The following HHIP variants were observed in gnomAD, a reference collection of about 807,000 sequenced individuals.
The protein encoded by HHIP is hedgehog-interacting protein.
HHIP carries 12 observed loss-of-function variants against 74.0 expected under a neutral mutation model. The ratio of observed to expected loss-of-function variants is 0.16; its 90% confidence interval spans 0.10 to 0.26. The LOEUF (loss-of-function observed/expected upper bound fraction) is 0.26, where lower values mean the gene tolerates loss of function less well. Among genes scored for constraint, HHIP ranks in the 10% least tolerant of loss-of-function variants. HHIP has a pLI of 1.00. For synonymous variants in HHIP, 309 were observed against 311.6 expected (o/e 0.99, Z 0.09); for missense variants, 788 against 845.0 (o/e 0.93, Z 0.84).
intron 4 of HHIP, among the ~76,000 whole-genome samples, chr4:144,699,606 A>G (rs1729921025): frequency 6.6e-6 from 1 of 152,142 alleles, no homozygotes; most frequent in African/African-American, 2.4e-5. Flanking sequence ...AAGTTATCTA[A>G]AAGCCCACCA....
chr4:144,667,468 C>T (rs1436549946), intron 4 of HHIP, among the ~76,000 whole-genome samples: 2 of 152,266 alleles, frequency 1.3e-5, no homozygotes, highest in Non-Finnish European at 2.9e-5. Context: ...AAGTTATTGA[C>T]GCATGTGGAC....
At chr4:144,704,446 G>T (rs1730073764) in intron 4 of HHIP, among the ~76,000 whole-genome samples, 1 of 152,176 alleles carries the variant, frequency 6.6e-6, no homozygotes, top group African/African-American at 2.4e-5. Flanking sequence ...TCATTTATGT[G>T]ATAGATGGTA....
chr4:144,732,471 T>A, intron 11 of HHIP, among the ~76,000 whole-genome samples: 1 of 152,182 alleles, frequency 6.6e-6, no homozygotes, highest in East Asian at 1.9e-4. Flanking sequence ...TATGTTTGAA[T>A]GTTTGGTGAA....
In HHIP at chr4:144,734,844, A is replaced by G; in HGVS notation, c.1864A>G (p.Lys622Glu). The change falls in exon 12 of 13, where the codon AAG (lysine) becomes GAG (glutamate). Residue 622 changes from lysine (K) to glutamate (E), a missense_variant. Lys to Glu is a moderately conservative substitution (Grantham distance 56). Transcript: ENST00000296575. ...CRNGYCTPTG[K>E]CCCSPGWEGD... ...AAACGGCTACTGCACCCCCACGGGA[A>G]AGTGCTGCTGCAGTCCAGGCTGGGA... 1.9e-6 allele frequency: 3 copies of G among 1,613,124 alleles called. No homozygotes were observed. The highest frequency in any genetic ancestry group is 2.5e-6 in the Non-Finnish European group (3 of 1,179,240).
At position 144,744,123 on chromosome 4, in the gene HHIP, T is replaced by C. The variant is rs1578738856; in HGVS notation, c.*6166T>C. ...CACCAAGAACCATGTAGTAATAAGA[T>C]AAATGGTAACTGAGGTACTATGGAA... is the stretch of plus-strand genomic sequence containing the variant. On this transcript the variant is annotated 3_prime_UTR_variant, in exon 13 of 13. Coordinates refer to ENST00000296575, the MANE Select transcript of HHIP (RefSeq NM_022475.3). The C allele has an allele frequency of 6.6e-6, 1 of 152,120 alleles. No homozygotes were observed. Among genetic ancestry groups the C allele is most frequent in the Admixed American group, 6.6e-5 (1 of 15,266 alleles). The allele number at this position is 152,120 out of a possible 1,614,324, so 9.4% of individuals were successfully genotyped here. A position where few individuals can be genotyped will look rare whatever the true frequency, so the allele number is the denominator to read the frequency against.
chr4:144,719,399 C>A (rs1487276259), intron 11 of HHIP, among the ~76,000 whole-genome samples: 2 of 152,132 alleles, frequency 1.3e-5, no homozygotes, highest in African/African-American at 2.4e-5. Flanking sequence ...AACATCTGAG[C>A]CTCATTTGGA....
At chr4:144,704,157 A>G (rs1298560786) in intron 4 of HHIP, among the ~76,000 whole-genome samples, 1 of 152,206 alleles carries the variant, frequency 6.6e-6, no homozygotes, top group Non-Finnish European at 1.5e-5. Context: ...GGATATTTAT[A>G]TAATACATTA....
chr4:144,697,876 G>T (rs573190551), intron 4 of HHIP, among the ~76,000 whole-genome samples: 1 of 151,950 alleles, frequency 6.6e-6, no homozygotes, highest in African/African-American at 2.4e-5. Flanking sequence ...CTTCCAATAC[G>T]TCCAATATCC....
intron 10 of HHIP, among the ~76,000 whole-genome samples, chr4:144,715,852 C>T (rs1463191344): frequency 1.3e-5 from 2 of 152,124 alleles, no homozygotes; most frequent in Admixed American, 6.6e-5. Context: ...TTGCCTTACC[C>T]GCTATTTCTT....
At chr4:144,666,675 G>C (rs908317769) in intron 4 of HHIP, among the ~76,000 whole-genome samples, 5 of 152,166 alleles carry the variant, frequency 3.3e-5, no homozygotes, top group African/African-American at 1.2e-4. Flanking sequence ...CTGCATGAGA[G>C]GAGAGACTGC....
chr4:144,661,958 T>C (rs1355966869), intron 4 of HHIP, among the ~76,000 whole-genome samples: 2 of 152,196 alleles, frequency 1.3e-5, no homozygotes, highest in Admixed American at 6.5e-5. Flanking sequence ...AATCACAGAA[T>C]TGGTAATACA....
At chr4:144,719,049 A>G in intron 11 of HHIP, 93 bp downstream of exon 11, 1 of 810,844 alleles carries the variant, frequency 1.2e-6, no homozygotes, top group Non-Finnish European at 2.1e-6. Flanking sequence ...CACAATTAGC[A>G]ATCAGCCAAG....
intron 7 of HHIP, 94 bp from the exon 8 acceptor site, chr4:144,711,856 T>G (rs1730314388): frequency 1.6e-6 from 2 of 1,251,470 alleles, no homozygotes. Flanking sequence ...TCCTTGCCAG[T>G]CCACAAAGGG....
intron 4 of HHIP, among the ~76,000 whole-genome samples, chr4:144,705,983 A>G (rs1730121259): frequency 6.6e-6 from 1 of 152,212 alleles, no homozygotes; most frequent in Non-Finnish European, 1.5e-5. Flanking sequence ...TTACCTAGCT[A>G]TGATGAACAG....
intron 4 of HHIP, among the ~76,000 whole-genome samples, chr4:144,700,482 A>G (rs1451875825): frequency 6.6e-6 from 1 of 152,194 alleles, no homozygotes; most frequent in Non-Finnish European, 1.5e-5. Context: ...TTAAGGTTGC[A>G]ATGGAATTAA....
intron 9 of HHIP, among the ~76,000 whole-genome samples, chr4:144,714,559 T>G (rs1407408225): frequency 1.3e-5 from 2 of 152,188 alleles, no homozygotes; most frequent in Admixed American, 6.6e-5. Flanking sequence ...TTGATAAATT[T>G]CATAAAATAA....
rs1257674153 is a variant in HHIP, at chr4:144,742,849, ATATATATATCTTATATATATATCTTTT to A, written c.*4946_*4972del. On this transcript the variant is annotated 3_prime_UTR_variant, in exon 13 of 13. Coordinates refer to ENST00000296575, the MANE Select transcript of HHIP (RefSeq NM_022475.3). ...TATATTTGGTTATATATATATCTTT[ATATATATATCTTATATATATATCTTTT>A]TATATATATCTTATATATATATCTT... The A allele has an allele frequency of 7.4e-3, 1,030 of 139,874 alleles. 20 individuals carry two copies. The highest frequency in any genetic ancestry group is 0.023 in the African/African-American group (813 of 36,058). 8.7% of individuals were successfully genotyped at this position (139,874 alleles called of 1,614,324 possible). A position where few individuals can be genotyped will look rare whatever the true frequency, so the allele number is the denominator to read the frequency against.
chr4:144,692,419 A>T (rs192981485), intron 4 of HHIP, among the ~76,000 whole-genome samples: 2 of 152,296 alleles, frequency 1.3e-5, no homozygotes, highest in East Asian at 3.9e-4. Flanking sequence ...TTCCCGAAGA[A>T]TCATACTCAT....
chr4:144,700,874 C>T (rs542265134), intron 4 of HHIP, among the ~76,000 whole-genome samples: 1 of 152,204 alleles, frequency 6.6e-6, no homozygotes, highest in Admixed American at 6.5e-5. Flanking sequence ...AAAATGAATA[C>T]AATCTGGTAC....
Sources: gnomAD v4.1 joint callset for allele counts (sites outside exome capture counted in the v4.1 genomes callset) on GRCh38, gnomAD v4.1.1 for gene constraint, MANE v1.5 for transcripts, NCBI Gene and HGNC (gene_info 2026-07-23, HGNC 2026-07-21) for gene names.